Variants in DPYD observed in about 807,000 individuals in gnomAD.
DPYD encodes the protein dihydropyrimidine dehydrogenase [NADP(+)].
In DPYD, 109 loss-of-function variants were observed where a neutral mutation model predicts 116.2. The ratio of observed to expected loss-of-function variants is 0.94; its 90% CI spans 0.80 to 1.10. The LOEUF (loss-of-function observed/expected upper bound fraction) is 1.10, where lower values mean the gene tolerates loss of function less well. Ranked by LOEUF, DPYD falls within the 50% of genes least tolerant of loss-of-function variation. The pLI is 0.00. For synonymous variants in DPYD, 440 were observed against 432.0 expected, an observed-to-expected ratio of 1.02 and a Z score of -0.23; for missense variants, 1,302 against 1,254.5, an observed-to-expected ratio of 1.04 and a Z score of -0.57.
chr1:97,875,395 A>C (rs1051683361), intron 2 of DPYD, among the ~76,000 whole-genome samples: 1 of 151,990 alleles, frequency 6.6e-6, no homozygotes, highest in Non-Finnish European at 1.5e-5. Flanking sequence ...ATGGGCATTA[A>C]AACTATGGAG....
At chr1:97,652,773 C>T (rs1364524063) in intron 8 of DPYD, among the ~76,000 whole-genome samples, 2 of 152,146 alleles carry the variant, frequency 1.3e-5, no homozygotes, top group East Asian at 1.9e-4. Flanking sequence ...TGCTTTTTCA[C>T]TGTCTCTAGG....
At chr1:97,415,904 T>C (rs1674263421) in intron 14 of DPYD, among the ~76,000 whole-genome samples, 1 of 152,218 alleles carries the variant, frequency 6.6e-6, no homozygotes, top group Non-Finnish European at 1.5e-5. Flanking sequence ...AAGAAGTTTA[T>C]ACTCCTTTGA....
At chr1:97,620,203 T>A (rs1656549179) in intron 8 of DPYD, among the ~76,000 whole-genome samples, 1 of 152,132 alleles carries the variant, frequency 6.6e-6, no homozygotes, top group Non-Finnish European at 1.5e-5. Flanking sequence ...ATTTACATTT[T>A]CTTTTTGTCC....
intron 4 of DPYD, among the ~76,000 whole-genome samples, chr1:97,725,507 A>G (rs919401454): frequency 2.0e-5 from 3 of 151,616 alleles, no homozygotes; most frequent in African/African-American, 7.2e-5. Context: ...GAAAAATAAG[A>G]ATGAAGCTAG....
chr1:97,351,800 C>T (rs1670159781), intron 16 of DPYD, among the ~76,000 whole-genome samples: 1 of 152,022 alleles, frequency 6.6e-6, no homozygotes, highest in African/African-American at 2.4e-5. Flanking sequence ...AAGAGGAAAT[C>T]AGTCAGGCAA....
At chr1:97,759,407 G>C (rs886782688) in intron 3 of DPYD, among the ~76,000 whole-genome samples, 1 of 151,962 alleles carries the variant, frequency 6.6e-6, no homozygotes, top group Non-Finnish European at 1.5e-5. Flanking sequence ...TATGCTCACC[G>C]ACTCTTAGGC....
intron 20 of DPYD, among the ~76,000 whole-genome samples, chr1:97,176,962 C>G (rs1657325275): frequency 6.6e-6 from 1 of 151,720 alleles, no homozygotes. Flanking sequence ...TATTGTTTAT[C>G]TCCAGGCCTT....
At position 97,383,779 on chromosome 1, in the gene DPYD, G is replaced by GT. The variant is rs1423100991; in HGVS notation, c.1906-1319dup. Among the ~76,000 whole-genome samples the GT allele has an allele frequency of 2.6e-5, 4 of 152,054 alleles. No individual in the cohort carries two copies. The East Asian group carries it at 7.7e-4, about 29-fold the overall frequency. On this transcript the variant is annotated intron_variant, in intron 14 of 22. Coordinates refer to ENST00000370192, the MANE Select transcript of DPYD (RefSeq NM_000110.4). The stretch of plus-strand genomic sequence containing the variant: ...AGCCCAAAGCACATACTTGATACAC[G>GT]TAAGTAATTATTTCCTACCATTATC...
chr1:97,131,186 A>G (rs1014614864), intron 20 of DPYD, among the ~76,000 whole-genome samples: 1 of 152,084 alleles, frequency 6.6e-6, no homozygotes, highest in African/African-American at 2.4e-5. Context: ...AGAGGTAACT[A>G]GTCATTTGAA....
At chr1:97,502,725 C>T (rs1469503389) in intron 13 of DPYD, among the ~76,000 whole-genome samples, 1 of 151,800 alleles carries the variant, frequency 6.6e-6, no homozygotes, top group African/African-American at 2.4e-5. Context: ...TGACTTTCTA[C>T]CCTTTAATAA....
chr1:97,764,728 T>C (rs1269237883), intron 3 of DPYD, among the ~76,000 whole-genome samples: 2 of 152,096 alleles, frequency 1.3e-5, no homozygotes, highest in Admixed American at 1.3e-4. Context: ...TGCTGATTTA[T>C]AAATAGCTTC....
At chr1:97,774,905 G>T in intron 3 of DPYD, 2 of 279,974 alleles carry the variant, frequency 7.1e-6, no homozygotes, top group Non-Finnish European at 1.5e-5. Flanking sequence ...CCTTTTGAAT[G>T]TCCAAATCAT....
intron 8 of DPYD, among the ~76,000 whole-genome samples, chr1:97,650,585 T>C (rs937320369): frequency 1.3e-5 from 2 of 152,130 alleles, no homozygotes; most frequent in Non-Finnish European, 2.9e-5. Context: ...ATTCTGTTGA[T>C]CTGGAGAGGA....
At chr1:97,785,082 TC>T (rs1666948935) in intron 3 of DPYD, among the ~76,000 whole-genome samples, 1 of 152,186 alleles carries the variant, frequency 6.6e-6, no homozygotes, top group Admixed American at 6.5e-5. Flanking sequence ...ATTATTCACA[TC>T]CTGTTGTTTA....
intron 7 of DPYD, among the ~76,000 whole-genome samples, chr1:97,683,862 C>A (rs767250391): frequency 4.0e-5 from 6 of 151,426 alleles, no homozygotes; most frequent in Non-Finnish European, 8.8e-5. Flanking sequence ...GTTGTCTACA[C>A]GGGGGAAAAA....
intron 19 of DPYD, among the ~76,000 whole-genome samples, chr1:97,217,665 C>T (rs1295729265): frequency 1.3e-5 from 2 of 151,730 alleles, no homozygotes; most frequent in African/African-American, 2.4e-5. Context: ...AACTGTCAAC[C>T]GCATGGCTAG....
At chr1:97,261,051 A>G (rs1663841336) in intron 18 of DPYD, among the ~76,000 whole-genome samples, 1 of 152,156 alleles carries the variant, frequency 6.6e-6, no homozygotes, top group Non-Finnish European at 1.5e-5. Flanking sequence ...ATAAGTAAAC[A>G]GTTTGTAAAT....
At chr1:97,704,147 T>C (rs1162276252) in intron 5 of DPYD, among the ~76,000 whole-genome samples, 3 of 152,064 alleles carry the variant, frequency 2.0e-5, no homozygotes, top group Admixed American at 6.6e-5. Flanking sequence ...TTAACTGAAA[T>C]ACAAGTAATG....
At chr1:97,245,286 T>C (rs562596204) in intron 18 of DPYD, among the ~76,000 whole-genome samples, 2 of 152,220 alleles carry the variant, frequency 1.3e-5, no homozygotes, top group Admixed American at 6.6e-5. Flanking sequence ...TAGTCTGCAA[T>C]ATCACCATAA....
Sources: allele counts gnomAD v4.1 joint callset (sites outside exome capture counted in the v4.1 genomes callset), GRCh38; gene constraint gnomAD v4.1.1; transcripts MANE v1.5; gene names NCBI Gene and HGNC (gene_info 2026-07-23, HGNC 2026-07-21).